ROBO2: variants seen among roughly 807,000 people sequenced by gnomAD.
ROBO2 encodes the protein roundabout homolog 2.
Under a neutral mutation model 160.8 loss-of-function variants are expected in ROBO2, and 53 were observed. The observed-to-expected ratio is 0.33, with a 90% CI of 0.26 to 0.41. ROBO2 has a LOEUF of 0.41. Ranked by LOEUF, ROBO2 falls within the 10% of genes least tolerant of loss-of-function variation. The pLI is 1.00. For synonymous variants in ROBO2, 664 were observed against 611.7 expected (o/e 1.09, Z -1.26); for missense variants, 1,577 against 1,722.4 (o/e 0.92, Z 1.49).
At chr3:77,623,096 A>G (rs2094934188) in intron 23 of ROBO2, among the ~76,000 whole-genome samples, 1 of 152,186 alleles carries the variant, frequency 6.6e-6, no homozygotes. Context: ...GGTATAACCT[A>G]TTTTCAGGGA....
intron 2 of ROBO2, among the ~76,000 whole-genome samples, chr3:76,282,197 G>A (rs1201067018): frequency 1.3e-5 from 2 of 152,048 alleles, no homozygotes; most frequent in Non-Finnish European, 2.9e-5. Context: ...TGTTTAGTTG[G>A]GGGTTTGTTC....
At chr3:77,521,248 A>G (rs1476149705) in intron 5 of ROBO2, among the ~76,000 whole-genome samples, 1 of 151,246 alleles carries the variant, frequency 6.6e-6, no homozygotes, top group African/African-American at 2.4e-5. Context: ...TAAGAGGCCA[A>G]GTCCATGAAT....
At chr3:76,085,560 C>G (rs1161906224) in intron 2 of ROBO2, among the ~76,000 whole-genome samples, 1 of 152,094 alleles carries the variant, frequency 6.6e-6, no homozygotes, top group Admixed American at 6.6e-5. Flanking sequence ...ATTCTAACAA[C>G]AAGTTAAAAG....
chr3:76,624,102 A>G (rs945653524), intron 2 of ROBO2, among the ~76,000 whole-genome samples: 2 of 152,212 alleles, frequency 1.3e-5, no homozygotes, highest in African/African-American at 2.4e-5. Context: ...GAAGAAGATT[A>G]TGAATACGTG....
chr3:76,676,752 G>A (rs10511052), intron 2 of ROBO2, among the ~76,000 whole-genome samples: 16,744 of 152,042 alleles, frequency 0.11, 1,642 homozygotes, highest in African/African-American at 0.26. Context: ...TCTGAAGACT[G>A]CGAACATGTT....
At chr3:76,199,618 C>A (rs1702424299) in intron 2 of ROBO2, among the ~76,000 whole-genome samples, 1 of 152,088 alleles carries the variant, frequency 6.6e-6, no homozygotes, top group Admixed American at 6.6e-5. Context: ...AAACCTGACC[C>A]ACAAACTCTG....
At chr3:76,995,008 G>A (rs2060906904) in intron 2 of ROBO2, among the ~76,000 whole-genome samples, 1 of 151,424 alleles carries the variant, frequency 6.6e-6, no homozygotes, top group African/African-American at 2.4e-5. Flanking sequence ...GTGCAGGTTT[G>A]TTACATAGGT....
chr3:76,105,178 G>A (rs2069867307), intron 2 of ROBO2, among the ~76,000 whole-genome samples: 1 of 150,348 alleles, frequency 6.7e-6, no homozygotes, highest in South Asian at 2.1e-4. Context: ...TTTTCAGCCT[G>A]TACTTAGAAA....
chr3:75,951,386 G>C (rs563307405), intron 2 of ROBO2, among the ~76,000 whole-genome samples: 2 of 151,992 alleles, frequency 1.3e-5, no homozygotes, highest in Non-Finnish European at 1.5e-5. Flanking sequence ...TCATCTACTC[G>C]TTCTTCTTCT....
At chr3:76,787,837 G>T (rs892355456) in intron 2 of ROBO2, among the ~76,000 whole-genome samples, 15 of 151,434 alleles carry the variant, frequency 9.9e-5, no homozygotes, top group African/African-American at 3.6e-4. Context: ...TGTTGTTTAT[G>T]CTGTTAGCAA....
chr3:76,444,967 T>C (rs1008372910), intron 2 of ROBO2, among the ~76,000 whole-genome samples: 1 of 152,220 alleles, frequency 6.6e-6, no homozygotes, highest in African/African-American at 2.4e-5. Context: ...TAGGCTTTTT[T>C]GTTTTTTCCC....
At chr3:76,119,965 CCTTCCTTCCT>C in intron 2 of ROBO2, among the ~76,000 whole-genome samples, 1 of 129,704 alleles carries the variant, frequency 7.7e-6, no homozygotes, top group South Asian at 2.7e-4. Flanking sequence ...TTCCTTCCTT[CCTTCCTTCCT>C]CTCTCTTTCT....
chr3:75,996,417 T>C (rs1033032577), intron 2 of ROBO2, among the ~76,000 whole-genome samples: 3 of 152,146 alleles, frequency 2.0e-5, no homozygotes, highest in African/African-American at 4.8e-5. Flanking sequence ...TCCTCCATGA[T>C]TGTAAGATTC....
chr3:76,291,384 G>A (rs939841071), intron 2 of ROBO2, among the ~76,000 whole-genome samples: 4 of 151,896 alleles, frequency 2.6e-5, no homozygotes, highest in East Asian at 1.9e-4. Flanking sequence ...TGGAGTCACC[G>A]GCAATGTCCC....
rs948176841 is a variant in ROBO2 at position 77,000,963 on chromosome 3, C to T, written c.110-97051C>T. Among the ~76,000 whole-genome samples, 11 of 152,152 alleles carry T rather than the reference C, an allele frequency of 7.2e-5. No homozygotes were observed. In the Middle Eastern group the frequency reaches 0.01, roughly 142 times the overall value. On this transcript the variant is annotated intron_variant, in intron 2 of 26. Coordinates refer to the ROBO2 transcript ENST00000487694. ...TGACATGACATGCTATGAGTCTTAA[C>T]GCATCCAGTTTAGCACCATATATTT...
chr3:77,021,798 A>G (rs1057442985), intron 2 of ROBO2, among the ~76,000 whole-genome samples: 2 of 152,074 alleles, frequency 1.3e-5, no homozygotes, highest in Non-Finnish European at 1.5e-5. Flanking sequence ...AATCAAATGA[A>G]TTTAGCCCCC....
intron 2 of ROBO2, among the ~76,000 whole-genome samples, chr3:77,277,157 C>CTTTCTTTCT (rs1553882841): frequency 1.1e-4 from 10 of 88,136 alleles, no homozygotes; most frequent in Admixed American, 2.4e-4. Context: ...TCCTTCTTTC[C>CTTTCTTTCT]TTCTTTCTTT....
chr3:76,825,634 G>GAAAAAAAAAAAA (rs2066515941), intron 2 of ROBO2, among the ~76,000 whole-genome samples: 2 of 77,442 alleles, frequency 2.6e-5, no homozygotes, highest in Non-Finnish European at 5.2e-5. Flanking sequence ...AAAAAAAAAT[G>GAAAAAAAAAAAA]AAGATGCATT....
Position 76,631,166 on chromosome 3 carries a change from T to C in ROBO2, c.110-466848T>C, listed in dbSNP as rs1016243705. Among the ~76,000 whole-genome samples, 3 of 152,222 alleles carry C rather than the reference T, an allele frequency of 2.0e-5. No homozygotes were observed. The South Asian group carries it at 6.2e-4, about 31-fold the overall frequency. Reference sequence around the variant, plus strand: ...AGGCAGGCTATAGTACATTTTATGATATTTAAAGGAAATATTAAATCTAAT... The same window carrying C: ...AGGCAGGCTATAGTACATTTTATGACATTTAAAGGAAATATTAAATCTAAT... On this transcript the variant is annotated intron_variant, in intron 2 of 26. Transcript: ENST00000487694.
Sources: gnomAD v4.1 joint callset for allele counts (sites outside exome capture counted in the v4.1 genomes callset) on GRCh38, gnomAD v4.1.1 for gene constraint, MANE v1.5 for transcripts, NCBI Gene and HGNC (gene_info 2026-07-23, HGNC 2026-07-21) for gene names.